CPD: variants seen among roughly 807,000 people sequenced by gnomAD.
CPD encodes metallocarboxypeptidase D.
Under a neutral mutation model 138.3 loss-of-function variants are expected in CPD, and 69 were observed. That is an observed-to-expected ratio of 0.50 (90% confidence interval 0.41 to 0.61). The LOEUF (loss-of-function observed/expected upper bound fraction) is 0.61, where lower values mean the gene tolerates loss of function less well. CPD is among the 20% of genes least tolerant of loss of function. The pLI, the probability that CPD is intolerant of heterozygous loss-of-function variation, is 0.00. For missense variants in CPD, 1,432 were observed against 1,733.3 expected (o/e 0.83, Z 3.09); for synonymous variants, 651 against 642.1 (o/e 1.01, Z -0.21).
chr17:30,401,103 C>CA (rs1911647531), intron 2 of CPD, among the ~76,000 whole-genome samples: 1 of 152,240 alleles, frequency 6.6e-6, no homozygotes, highest in Non-Finnish European at 1.5e-5. Context: ...TTCTGGCCTC[C>CA]ATGGCTTCTG....
chr17:30,435,048 A>G (rs930480243), intron 8 of CPD, among the ~76,000 whole-genome samples: 10 of 152,162 alleles, frequency 6.6e-5, no homozygotes, highest in African/African-American at 2.4e-4. Flanking sequence ...CAGATTAAGT[A>G]TACCCAAATA....
intron 1 of CPD, chr17:30,380,501 G>A (rs375434090): frequency 7.4e-7 from 1 of 1,355,182 alleles, no homozygotes; most frequent in Admixed American, 3.5e-5. Context: ...ATTAGCCTGG[G>A]CAGAATGGCT....
chr17:30,399,823 C>G (rs1204178007), intron 2 of CPD, among the ~76,000 whole-genome samples: 1 of 151,996 alleles, frequency 6.6e-6, no homozygotes, highest in Non-Finnish European at 1.5e-5. Flanking sequence ...AACCCCATCT[C>G]TAATAAAAAT....
At chr17:30,393,893 C>A (rs1567866642) in intron 2 of CPD, among the ~76,000 whole-genome samples, 1 of 152,126 alleles carries the variant, frequency 6.6e-6, no homozygotes, top group Admixed American at 6.5e-5. Context: ...GTAATCCCAG[C>A]ACTTTGGGAG....
At chr17:30,425,747 C>T (rs1567875695) in intron 6 of CPD, among the ~76,000 whole-genome samples, 1 of 151,698 alleles carries the variant, frequency 6.6e-6, no homozygotes, top group Non-Finnish European at 1.5e-5. Flanking sequence ...ATTATTGACA[C>T]TTAAACAGTG....
intron 20 of CPD, among the ~76,000 whole-genome samples, chr17:30,462,979 C>T (rs897260180): frequency 2.0e-5 from 3 of 152,220 alleles, no homozygotes; most frequent in Admixed American, 1.3e-4. Context: ...GGTTTAAGAA[C>T]GCCTTTAAGC....
intron 2 of CPD, among the ~76,000 whole-genome samples, chr17:30,389,702 TTGG>T (rs1227138622): frequency 2.7e-4 from 41 of 152,382 alleles, no homozygotes; most frequent in African/African-American, 9.4e-4. Context: ...CAGAGATTAT[TTGG>T]TGAAGCTAGT....
At chr17:30,427,587 G>C (rs1411246204) in intron 7 of CPD, 29 bp downstream of exon 7, 2 of 1,591,744 alleles carry the variant, frequency 1.3e-6, no homozygotes, top group South Asian at 1.1e-5. Context: ...CTACTAATCA[G>C]TTCTTGTTGA....
At chr17:30,426,044 C>CA (rs562602627) in intron 6 of CPD, among the ~76,000 whole-genome samples, 7 of 151,818 alleles carry the variant, frequency 4.6e-5, no homozygotes, top group African/African-American at 1.7e-4. Flanking sequence ...ACTAAAGATA[C>CA]AAAAAATTAG....
chr17:30,379,744 C>T lies in CPD; in HGVS notation c.746+18C>T. On this transcript the variant is annotated intron_variant, in intron 1 of 20. Transcript: ENST00000225719. The surrounding 1 kb of genome is among the most constrained non-coding windows in gnomAD (Gnocchi z 7.0). ...AGGAACAAGTGAGTGTTGCCTGCCC[C>T]CTCCCCGTCCGTGTGAGCCTCCAAG... is the stretch of plus-strand genomic sequence containing the variant. The T allele has an allele frequency of 7.0e-7, 1 of 1,425,782 alleles. No homozygotes were observed. The highest frequency in any genetic ancestry group is 9.1e-7 in the Non-Finnish European group (1 of 1,095,508). 88.3% of individuals were successfully genotyped at this position (1,425,782 alleles called of 1,614,324 possible).
chr17:30,432,930 A>G (rs893773687), intron 8 of CPD, among the ~76,000 whole-genome samples: 1 of 152,072 alleles, frequency 6.6e-6, no homozygotes, highest in Non-Finnish European at 1.5e-5. Flanking sequence ...AAAAAATAAA[A>G]ATTGTCTTAG....
intron 14 of CPD, 54 bp downstream of exon 14, chr17:30,451,900 T>C: frequency 6.5e-7 from 1 of 1,538,764 alleles, no homozygotes; most frequent in Non-Finnish European, 8.9e-7. Context: ...TTCTTTCTGC[T>C]AGAAGATTGA....
Position 30,422,656 on chromosome 17 carries a change from T to A in CPD, c.1308-18T>A. 6.4e-7 allele frequency: 1 copy of A among 1,552,552 alleles called. No homozygotes were observed. Among genetic ancestry groups the A allele is most frequent in the South Asian group, 1.2e-5 (1 of 83,520 alleles). On this transcript the variant is annotated intron_variant, in intron 4 of 20. Transcript: ENST00000225719. ...GTCTTAACTATAAACCATTTACTTT[T>A]TCAAATTTTTTTTTCAGGTATATGC...
At chr17:30,424,613 G>A (rs1278228258) in intron 6 of CPD, among the ~76,000 whole-genome samples, 1 of 152,204 alleles carries the variant, frequency 6.6e-6, no homozygotes, top group Non-Finnish European at 1.5e-5. Flanking sequence ...ATCTGTCTGA[G>A]TCAGTGACTC....
At position 30,384,984 on chromosome 17, in the gene CPD, C is replaced by T; in HGVS notation, c.747-5C>T. 3.7e-6 allele frequency: 6 copies of T among 1,608,776 alleles called. No homozygotes were observed. Among genetic ancestry groups the T allele is most frequent in the Non-Finnish European group, 5.1e-6 (6 of 1,176,572 alleles). On this transcript the variant is annotated splice_polypyrimidine_tract_variant and splice_region_variant and intron_variant, in intron 1 of 20. Transcript: ENST00000225719. Reference sequence around the variant, plus strand: ...GTGATACGTGATTTGGTTGTATTTTCAAAGGTTTGTGCTTTCTGGAAATCT... The same window carrying T: ...GTGATACGTGATTTGGTTGTATTTTTAAAGGTTTGTGCTTTCTGGAAATCT...
chr17:30,448,898 G>T (rs955619228), intron 12 of CPD, among the ~76,000 whole-genome samples: 1 of 151,982 alleles, frequency 6.6e-6, no homozygotes, highest in Non-Finnish European at 1.5e-5. Context: ...GGCCAGAAGC[G>T]CTTGAAACCA....
At chr17:30,416,267 G>A (rs1030737118) in intron 2 of CPD, among the ~76,000 whole-genome samples, 1 of 152,170 alleles carries the variant, frequency 6.6e-6, no homozygotes, top group African/African-American at 2.4e-5. Context: ...GGGAGGCGGA[G>A]GTTGCGGTGA....
At position 30,467,474 on chromosome 17, in the gene CPD, T is replaced by A. The variant is rs1913674597; in HGVS notation, c.*2660T>A. 1 of 152,136 alleles carries A rather than the reference T, an allele frequency of 6.6e-6. No individual in the cohort carries two copies. Among genetic ancestry groups the A allele is most frequent in the Admixed American group, 6.5e-5 (1 of 15,270 alleles). 9.4% of individuals were successfully genotyped at this position (152,136 alleles called of 1,614,324 possible). On this transcript the variant is annotated 3_prime_UTR_variant, in exon 21 of 21. Coordinates refer to ENST00000225719, the MANE Select transcript of CPD (RefSeq NM_001304.5). Reference sequence around the variant, plus strand: ...TTTTGCTGAACACTTGGGTAGTGAGTGGGATCCTATCCAGTTGAGGAATGC... The same window carrying A: ...TTTTGCTGAACACTTGGGTAGTGAGAGGGATCCTATCCAGTTGAGGAATGC...
At chr17:30,385,325 A>G in intron 2 of CPD, 89 bp downstream of exon 2, 51 of 1,438,814 alleles carry the variant, frequency 3.5e-5, no homozygotes, top group Non-Finnish European at 4.8e-5. Context: ...GAAACTCTGT[A>G]GAAATCTAAC....
Sources: gnomAD v4.1 joint callset for allele counts (sites outside exome capture counted in the v4.1 genomes callset) on GRCh38, gnomAD v4.1.1 for gene constraint, Gnocchi (gnomAD v3.1) non-coding constraint, MANE v1.5 for transcripts, NCBI Gene and HGNC (gene_info 2026-07-23, HGNC 2026-07-21) for gene names.